MRPS28: variants seen among roughly 807,000 people sequenced by gnomAD.
The protein encoded by MRPS28 is small ribosomal subunit protein bS1m.
In MRPS28, 7 loss-of-function variants were observed where a neutral mutation model predicts 10.8. That is an observed-to-expected ratio of 0.65 (90% CI 0.37 to 1.22). The LOEUF (loss-of-function observed/expected upper bound fraction) is 1.22, where lower values mean the gene tolerates loss of function less well. Ranked by LOEUF, MRPS28 falls within the 50% of genes most tolerant of loss-of-function variation. The pLI is 0.02. For synonymous variants in MRPS28, 121 were observed against 93.3 expected (o/e 1.30, Z -1.71); for missense variants, 265 against 232.9 (o/e 1.14, Z -0.90).
intron 1 of MRPS28, among the ~76,000 whole-genome samples, chr8:80,006,587 A>G (rs1266605905): frequency 1.3e-5 from 2 of 152,200 alleles, no homozygotes; most frequent in Non-Finnish European, 2.9e-5. Context: ...GATAAAGGGG[A>G]TATCACCACC....
chr8:79,991,909 GCT>G (rs33936648), intron 2 of MRPS28, among the ~76,000 whole-genome samples: 6,452 of 131,344 alleles, frequency 0.049, 150 homozygotes, highest in Admixed American at 0.062. Flanking sequence ...CTTCCTCCTT[GCT>G]CTCTCTCTCT....
intron 1 of MRPS28, among the ~76,000 whole-genome samples, chr8:80,006,122 A>G (rs1164527079): frequency 2.6e-5 from 4 of 152,208 alleles, no homozygotes; most frequent in Admixed American, 2.6e-4. Context: ...ACTCAGCTCC[A>G]CACCAAGTGG....
chr8:79,931,402 A>G (rs1586041841), intron 2 of MRPS28, among the ~76,000 whole-genome samples: 2 of 152,230 alleles, frequency 1.3e-5, no homozygotes, highest in African/African-American at 2.4e-5. Context: ...GAGAGCATGT[A>G]TCATACCATA....
chr8:80,017,367 C>T (rs760518040), intron 1 of MRPS28, among the ~76,000 whole-genome samples: 1 of 151,852 alleles, frequency 6.6e-6, no homozygotes, highest in Non-Finnish European at 1.5e-5. Flanking sequence ...AAGCTTCTAG[C>T]CAGACTAAGA....
chr8:79,949,475 G>A (rs1807025804), intron 2 of MRPS28, among the ~76,000 whole-genome samples: 2 of 151,492 alleles, frequency 1.3e-5, no homozygotes, highest in Admixed American at 1.3e-4. Context: ...GCGAAGCCTA[G>A]TATTTAATAA....
At chr8:79,990,467 T>C (rs988670096) in intron 2 of MRPS28, among the ~76,000 whole-genome samples, 1 of 152,044 alleles carries the variant, frequency 6.6e-6, no homozygotes, top group Non-Finnish European at 1.5e-5. Context: ...AATGTCAGCA[T>C]ACAAAAATGC....
intron 2 of MRPS28, among the ~76,000 whole-genome samples, chr8:79,973,480 C>CA (rs1158877435): frequency 2.6e-5 from 4 of 152,222 alleles, no homozygotes; most frequent in African/African-American, 9.6e-5. Context: ...TATGAAGACA[C>CA]ACCCCCATCT....
chr8:79,958,994 A>G (rs1807302743), intron 2 of MRPS28, among the ~76,000 whole-genome samples: 1 of 152,130 alleles, frequency 6.6e-6, no homozygotes, highest in South Asian at 2.1e-4. Context: ...GATTATCTAT[A>G]AATTAGTGGT....
At chr8:79,962,016 A>G (rs1030198208) in intron 2 of MRPS28, among the ~76,000 whole-genome samples, 6 of 152,142 alleles carry the variant, frequency 3.9e-5, no homozygotes, top group Non-Finnish European at 4.4e-5. Context: ...AGTGGAACGA[A>G]TATTTCTTCA....
chr8:79,948,558 G>C (rs1806990165), intron 2 of MRPS28, among the ~76,000 whole-genome samples: 1 of 152,152 alleles, frequency 6.6e-6, no homozygotes, highest in African/African-American at 2.4e-5. Flanking sequence ...TCTGATTTTA[G>C]AAAATATCAA....
chr8:80,029,939 T>C (rs768156002), intron 1 of MRPS28, 97 bp downstream of exon 1: 52 of 1,538,066 alleles, frequency 3.4e-5, no homozygotes, highest in Non-Finnish European at 4.2e-5. Context: ...GGACCTCAGC[T>C]CCCCTTCCTA....
chr8:80,006,066 G>A (rs1271830352), intron 1 of MRPS28, among the ~76,000 whole-genome samples: 1 of 152,110 alleles, frequency 6.6e-6, no homozygotes, highest in African/African-American at 2.4e-5. Context: ...GTCAACATTA[G>A]ACAGATCAAT....
At chr8:79,967,118 A>G (rs976851634) in intron 2 of MRPS28, among the ~76,000 whole-genome samples, 6 of 152,194 alleles carry the variant, frequency 3.9e-5, no homozygotes, top group Admixed American at 3.3e-4. Context: ...ATCTTTTGAC[A>G]ACAGGCAAGA....
intron 1 of MRPS28, among the ~76,000 whole-genome samples, chr8:80,020,573 T>C (rs565737783): frequency 6.4e-4 from 98 of 152,350 alleles, no homozygotes; most frequent in African/African-American, 2.3e-3. Context: ...TTTTAAAGTA[T>C]TTCTGATAGA....
chr8:79,980,032 G>C (rs903463747), intron 2 of MRPS28, among the ~76,000 whole-genome samples: 1 of 149,352 alleles, frequency 6.7e-6, no homozygotes, highest in Non-Finnish European at 1.5e-5. Flanking sequence ...CACAAATTCT[G>C]AGAATCACCT....
chr8:79,995,116 T>A (rs1421715039), intron 2 of MRPS28, among the ~76,000 whole-genome samples: 1 of 152,110 alleles, frequency 6.6e-6, no homozygotes, highest in African/African-American at 2.4e-5. Context: ...TACTTCTCTA[T>A]CCCCCTGACC....
chr8:79,969,946 C>T (rs114173919), intron 2 of MRPS28, among the ~76,000 whole-genome samples: 69 of 152,198 alleles, frequency 4.5e-4, no homozygotes, highest in African/African-American at 1.4e-3. Flanking sequence ...TCTCCTTGGA[C>T]GCATTCATTC....
rs189694321 is a variant in MRPS28 at position 79,982,827 on chromosome 8, C to T, written c.395+20172G>A. ...CTTCCTGCCTTTGTAGGCTCCACCT[C>T]TGGGGGCAGGGCACAGACAAACAAA... On this transcript the variant is annotated intron_variant, in intron 2 of 2. Transcript: ENST00000276585. Among the ~76,000 whole-genome samples, 1,064 of 152,314 alleles carry T rather than the reference C, an allele frequency of 7.0e-3. 7 individuals carry two copies. Among genetic ancestry groups the T allele is most frequent in the Non-Finnish European group, 0.012 (828 of 68,018 alleles).
At chr8:80,004,585 C>T (rs1270887178) in intron 1 of MRPS28, among the ~76,000 whole-genome samples, 1 of 152,154 alleles carries the variant, frequency 6.6e-6, no homozygotes. Flanking sequence ...GTGCCTCTCC[C>T]CCTCCAAAGG....
Sources: gnomAD v4.1 joint callset for allele counts (sites outside exome capture counted in the v4.1 genomes callset) on GRCh38, gnomAD v4.1.1 for gene constraint, MANE v1.5 for transcripts, NCBI Gene and HGNC (gene_info 2026-07-23, HGNC 2026-07-21) for gene names.